The following DCDC2 variants were observed in gnomAD, a reference collection of about 807,000 sequenced individuals.
DCDC2 encodes doublecortin domain containing 2, also known as doublecortin domain-containing protein 2.
In DCDC2, 40 loss-of-function variants were observed where a neutral mutation model predicts 50.2. That is an observed-to-expected ratio of 0.80 (90% CI 0.62 to 1.04). The LOEUF is 1.04. DCDC2 is among the 50% of genes least tolerant of loss of function. The pLI is 0.00. For missense variants in DCDC2, 570 were observed against 581.9 expected (o/e 0.98, Z 0.21); for synonymous variants, 234 against 210.6 (o/e 1.11, Z -0.96).
intron 8 of DCDC2, among the ~76,000 whole-genome samples, chr6:24,188,717 A>C (rs1761254568): frequency 3.3e-5 from 5 of 152,138 alleles, no homozygotes; most frequent in Admixed American, 2.0e-4. Flanking sequence ...GCCTATGAGT[A>C]ATTGTGGAAT....
intron 2 of DCDC2, among the ~76,000 whole-genome samples, chr6:24,309,267 G>A (rs1403226031): frequency 6.7e-6 from 1 of 150,298 alleles, no homozygotes; most frequent in Non-Finnish European, 1.5e-5. Flanking sequence ...AGAGGTTGCA[G>A]TGAGACGAGA....
chr6:24,323,935 CA>C (rs1264576167), intron 2 of DCDC2, among the ~76,000 whole-genome samples: 1 of 152,150 alleles, frequency 6.6e-6, no homozygotes, highest in Non-Finnish European at 1.5e-5. Flanking sequence ...ACCACTAAAA[CA>C]GAGGAGAAAG....
chr6:24,245,343 G>A (rs1053142406), intron 7 of DCDC2, among the ~76,000 whole-genome samples: 15 of 152,220 alleles, frequency 9.9e-5, no homozygotes, highest in South Asian at 6.2e-4. Context: ...GCATAAAACC[G>A]GGACCATTCC....
At chr6:24,216,961 A>C (rs1761995442) in intron 7 of DCDC2, among the ~76,000 whole-genome samples, 1 of 152,238 alleles carries the variant, frequency 6.6e-6, no homozygotes, top group African/African-American at 2.4e-5. Context: ...GGCTGCGAGG[A>C]AGTAGAAGAA....
At chr6:24,175,270 G>C (rs1224045610) in intron 9 of DCDC2, among the ~76,000 whole-genome samples, 1 of 152,152 alleles carries the variant, frequency 6.6e-6, no homozygotes, top group Non-Finnish European at 1.5e-5. Flanking sequence ...GTACCATCAA[G>C]TAGCAAGTAG....
At chr6:24,280,191 T>C (rs1763441286) in intron 6 of DCDC2, among the ~76,000 whole-genome samples, 1 of 152,204 alleles carries the variant, frequency 6.6e-6, no homozygotes, top group Non-Finnish European at 1.5e-5. Context: ...GCCTTACAAA[T>C]GAAGTTATTT....
intron 2 of DCDC2, among the ~76,000 whole-genome samples, chr6:24,323,752 A>G (rs1012301025): frequency 2.0e-5 from 3 of 152,198 alleles, no homozygotes; most frequent in African/African-American, 4.8e-5. Flanking sequence ...AACAATCTCC[A>G]TCTGTAACTA....
chr6:24,215,187 G>C (rs1327862692), intron 7 of DCDC2, among the ~76,000 whole-genome samples: 1 of 152,188 alleles, frequency 6.6e-6, no homozygotes. Context: ...AGACAAATTA[G>C]TCATTAAGGA....
At chr6:24,244,285 T>C (rs1203169679) in intron 7 of DCDC2, among the ~76,000 whole-genome samples, 1 of 152,230 alleles carries the variant, frequency 6.6e-6, no homozygotes, top group African/African-American at 2.4e-5. Flanking sequence ...AAAATAGGAC[T>C]ATAAAACGAT....
At chr6:24,175,593 C>T (rs1464623411) in intron 9 of DCDC2, among the ~76,000 whole-genome samples, 1 of 152,152 alleles carries the variant, frequency 6.6e-6, no homozygotes, top group Non-Finnish European at 1.5e-5. Context: ...TGACTGGTGC[C>T]GTGTCTTATT....
At chr6:24,201,680 C>G (rs970152201) in intron 8 of DCDC2, among the ~76,000 whole-genome samples, 2 of 152,028 alleles carry the variant, frequency 1.3e-5, no homozygotes, top group African/African-American at 4.8e-5. Flanking sequence ...GATAGAGACA[C>G]GAAAAACCCT....
chr6:24,250,746 G>GA (rs140392052), intron 7 of DCDC2, among the ~76,000 whole-genome samples: 4,155 of 147,154 alleles, frequency 0.028, 133 homozygotes, highest in African/African-American at 0.08. Flanking sequence ...ATTAATTCAA[G>GA]AAAAAAAAAA....
chr6:24,372,359 T>C, the DCDC2 span, among the ~76,000 whole-genome samples: 1,764 of 150,928 alleles, frequency 0.012, 21 homozygotes, highest in Middle Eastern at 0.024. Context: ...GCGGAGCTTG[T>C]AGTGAGCCGA....
chr6:24,313,003 T>C (rs753442253), intron 2 of DCDC2, among the ~76,000 whole-genome samples: 1 of 152,172 alleles, frequency 6.6e-6, no homozygotes, highest in Non-Finnish European at 1.5e-5. Context: ...TCTCAGGAAA[T>C]TTTGATGCTT....
rs1377090558 is a variant in DCDC2, at chr6:24,172,588, G to C, written c.*2142C>G. ...GAAACTCTCCATTGAAGAAACAAAA[G>C]AGAATCACCTTGATAATTAGTTATA... is the stretch of plus-strand genomic sequence containing the variant. On this transcript the variant is annotated 3_prime_UTR_variant, in exon 10 of 10. Coordinates refer to ENST00000378454, the MANE Select transcript of DCDC2 (RefSeq NM_016356.5). The C allele has an allele frequency of 1.3e-5, 2 of 152,132 alleles. No homozygotes were observed. Among genetic ancestry groups the C allele is most frequent in the Non-Finnish European group, 2.9e-5 (2 of 68,004 alleles). 9.4% of individuals were successfully genotyped at this position (152,132 alleles called of 1,614,324 possible).
At chr6:24,209,711 A>G (rs1206731461) in intron 7 of DCDC2, among the ~76,000 whole-genome samples, 1 of 152,240 alleles carries the variant, frequency 6.6e-6, no homozygotes, top group Non-Finnish European at 1.5e-5. Flanking sequence ...AATTGGGCAC[A>G]GCAAGTATAA....
At chr6:24,214,524 A>G (rs912139986) in intron 7 of DCDC2, among the ~76,000 whole-genome samples, 11 of 152,244 alleles carry the variant, frequency 7.2e-5, no homozygotes, top group Non-Finnish European at 1.5e-4. Context: ...TTATGATACA[A>G]TTTCTAAAGT....
At chr6:24,193,197 TCTCAGAAA>T in intron 8 of DCDC2, among the ~76,000 whole-genome samples, 1 of 152,024 alleles carries the variant, frequency 6.6e-6, no homozygotes, top group Admixed American at 6.6e-5. Context: ...ACATGCAAAG[TCTCAGAAA>T]AATGTGTCTC....
chr6:24,357,416 T>C (rs781361588), intron 1 of DCDC2, 42 bp downstream of exon 1: 11 of 1,557,924 alleles, frequency 7.1e-6, no homozygotes, highest in African/African-American at 6.8e-5. Flanking sequence ...CCCCACACTA[T>C]AGGGCACCTA....
Sources: gnomAD v4.1 joint callset for allele counts (sites outside exome capture counted in the v4.1 genomes callset) on GRCh38, gnomAD v4.1.1 for gene constraint, MANE v1.5 for transcripts, NCBI Gene and HGNC (gene_info 2026-07-23, HGNC 2026-07-21) for gene names.